Variants in STIM1 observed in about 807,000 individuals in gnomAD.
STIM1 encodes stromal interaction molecule 1.
STIM1 carries 25 observed loss-of-function variants against 74.7 expected under a neutral mutation model. That is an observed-to-expected ratio of 0.33 (90% confidence interval 0.24 to 0.47). The LOEUF is 0.47. Ranked by LOEUF, STIM1 falls within the 20% of genes least tolerant of loss-of-function variation. The pLI is 1.00. For synonymous variants in STIM1, 328 were observed against 348.8 expected (o/e 0.94, Z 0.66); for missense variants, 728 against 920.8 (o/e 0.79, Z 2.71).
intron 1 of STIM1, among the ~76,000 whole-genome samples, chr11:3,891,723 C>T (rs1051283911): frequency 1.3e-5 from 2 of 151,810 alleles, no homozygotes; most frequent in Non-Finnish European, 2.9e-5. Context: ...GAATTAAATG[C>T]TTGATGAATT....
intron 1 of STIM1, among the ~76,000 whole-genome samples, chr11:3,929,271 TG>T (rs2092829090): frequency 6.6e-6 from 1 of 152,264 alleles, no homozygotes; most frequent in Admixed American, 6.5e-5. Flanking sequence ...GGTGAACTTC[TG>T]CTCTAGATTT....
chr11:3,855,995 C>T lies in STIM1; in HGVS notation c.-276C>T. ...GGAGCTGACAGCAGCCCCGCAGCCA[C>T]CCTGCCCGAAGTCTCCGGAAGCGGC... On this transcript the variant is annotated 5_prime_UTR_variant, in exon 1 of 13. Coordinates refer to ENST00000526596, the MANE Select transcript of STIM1 (RefSeq NM_001382567.1). The T allele has an allele frequency of 2.0e-6, 1 of 511,730 alleles. No homozygotes were observed. The highest frequency in any genetic ancestry group is 3.6e-6 in the Non-Finnish European group (1 of 280,330). The allele number at this position is 511,730 out of a possible 1,614,324, so 31.7% of individuals were successfully genotyped here. A position where few individuals can be genotyped will look rare whatever the true frequency, so the allele number is the denominator to read the frequency against.
At chr11:4,086,883 T>C in intron 12 of STIM1, 1 of 1,521,110 alleles carries the variant, frequency 6.6e-7, no homozygotes, top group South Asian at 1.2e-5. Flanking sequence ...CTCTCTTTTC[T>C]TTCTTCCCTT....
intron 3 of STIM1, among the ~76,000 whole-genome samples, chr11:4,048,021 A>C (rs2094207702): frequency 6.6e-6 from 1 of 152,088 alleles, no homozygotes; most frequent in Non-Finnish European, 1.5e-5. Context: ...GGGTTTCAGC[A>C]TGTTGGCCAG....
chr11:4,051,166 A>G (rs2094237067), intron 3 of STIM1, among the ~76,000 whole-genome samples: 2 of 152,202 alleles, frequency 1.3e-5, no homozygotes, highest in Admixed American at 1.3e-4. Context: ...TTAAAGGTGA[A>G]CGGTGTCACT....
chr11:3,882,567 C>T (rs1457886918), intron 1 of STIM1, among the ~76,000 whole-genome samples: 1 of 152,188 alleles, frequency 6.6e-6, no homozygotes, highest in African/African-American at 2.4e-5. Context: ...CAAACCTACA[C>T]ATCCTGCATA....
intron 3 of STIM1, among the ~76,000 whole-genome samples, chr11:4,035,267 T>G (rs935764906): frequency 6.3e-5 from 5 of 78,788 alleles, no homozygotes; most frequent in Non-Finnish European, 1.7e-4. Context: ...GTGTATTGTG[T>G]TTTTTTTTTT....
chr11:3,991,986 AAT>A (rs1159931438), intron 2 of STIM1, among the ~76,000 whole-genome samples: 1 of 148,094 alleles, frequency 6.8e-6, no homozygotes, highest in African/African-American at 2.5e-5. Context: ...AAAAAAAAAA[AAT>A]CTCCAAACTG....
chr11:3,924,622 T>C (rs2092765756), intron 1 of STIM1, among the ~76,000 whole-genome samples: 1 of 152,200 alleles, frequency 6.6e-6, no homozygotes, highest in South Asian at 2.1e-4. Flanking sequence ...AATGAAGCCT[T>C]GTAGTACTCA....
intron 1 of STIM1, chr11:3,947,345 A>C (rs2093090162): frequency 6.6e-6 from 1 of 152,152 alleles, no homozygotes; most frequent in Admixed American, 6.6e-5. Context: ...GTGAGCACCA[A>C]TTTGAGTGTC....
In STIM1 at chr11:3,971,231, G is replaced by GAA. The variant is rs771888539; in HGVS notation, c.270+3563_270+3564dup. Among the ~76,000 whole-genome samples the GAA allele has an allele frequency of 5.4e-3, 613 of 113,648 alleles. 5 individuals carry two copies. The highest frequency in any genetic ancestry group is 0.016 in the African/African-American group (506 of 32,068). The allele number at this position is 113,648 out of a possible 152,430, so 74.6% of individuals were successfully genotyped here. ...TCTCTATAAAAAAATAAACAAGTAT[G>GAA]AAAAAAAAAAAAAAAGGGCCGGGCA... On this transcript the variant is annotated intron_variant, in intron 2 of 12. Coordinates refer to ENST00000526596, the MANE Select transcript of STIM1 (RefSeq NM_001382567.1).
At chr11:4,087,028 A>G (rs543379011) in intron 12 of STIM1, among the ~76,000 whole-genome samples, 2 of 152,088 alleles carry the variant, frequency 1.3e-5, no homozygotes. Context: ...AGGTCAGCCT[A>G]CTTTCTCCCC....
chr11:3,894,496 A>G (rs372602212), intron 1 of STIM1, among the ~76,000 whole-genome samples: 41 of 152,186 alleles, frequency 2.7e-4, no homozygotes, highest in African/African-American at 9.6e-4. Flanking sequence ...TGACCTTGGG[A>G]GCATCTAAGA....
chr11:4,084,579 C>A, intron 10 of STIM1, 94 bp from the exon 11 acceptor site: 1 of 1,052,312 alleles, frequency 9.5e-7, no homozygotes, highest in Non-Finnish European at 1.3e-6. Flanking sequence ...TACCCAATCC[C>A]TGCCCCCAGC....
intron 1 of STIM1, among the ~76,000 whole-genome samples, chr11:3,905,977 A>G (rs781251552): frequency 5.3e-5 from 8 of 152,062 alleles, no homozygotes; most frequent in African/African-American, 1.7e-4. Context: ...GCCTTGCTCT[A>G]CCTTTTCTTT....
intron 1 of STIM1, among the ~76,000 whole-genome samples, chr11:3,858,109 T>A (rs1483639964): frequency 6.6e-6 from 1 of 152,226 alleles, no homozygotes; most frequent in African/African-American, 2.4e-5. Context: ...TATGTCTTTT[T>A]TCACTCCAAA....
In STIM1 at chr11:4,084,475, A is replaced by G. The variant is rs116432801; in HGVS notation, c.1475-198A>G. On this transcript the variant is annotated intron_variant, in intron 10 of 12. Coordinates refer to ENST00000526596, the MANE Select transcript of STIM1 (RefSeq NM_001382567.1). Reference sequence around the variant, plus strand: ...GCCTTTAATCAAAGGCTTAACAAGGACAGGATCACTGACAGGCAGAGCTTG... The same window carrying G: ...GCCTTTAATCAAAGGCTTAACAAGGGCAGGATCACTGACAGGCAGAGCTTG... Among the ~76,000 whole-genome samples, 1,385 of 152,306 alleles carry G rather than the reference A, an allele frequency of 9.1e-3. 22 individuals carry two copies. Among genetic ancestry groups the G allele is most frequent in the African/African-American group, 0.031 (1,307 of 41,546 alleles).
intron 1 of STIM1, among the ~76,000 whole-genome samples, chr11:3,906,735 C>A (rs918639947): frequency 2.0e-5 from 3 of 152,152 alleles, no homozygotes; most frequent in African/African-American, 7.2e-5. Flanking sequence ...AGTGCCTGTT[C>A]ACTGCTGTAA....
intron 1 of STIM1, among the ~76,000 whole-genome samples, chr11:3,925,695 A>T (rs773092580): frequency 6.6e-6 from 1 of 152,206 alleles, no homozygotes; most frequent in African/African-American, 2.4e-5. Context: ...TGCTTGTATA[A>T]ATAAAGTTTT....
Sources: gnomAD v4.1 joint callset for allele counts (sites outside exome capture counted in the v4.1 genomes callset) on GRCh38, gnomAD v4.1.1 for gene constraint, MANE v1.5 for transcripts, NCBI Gene and HGNC (gene_info 2026-07-23, HGNC 2026-07-21) for gene names.